IL12RB1: variants seen among roughly 807,000 people sequenced by gnomAD.
IL12RB1 encodes the protein interleukin-12 receptor subunit beta-1.
In IL12RB1, 64 loss-of-function variants were observed where a neutral mutation model predicts 94.4. The ratio of observed to expected loss-of-function variants is 0.68; its 90% CI spans 0.55 to 0.83. The LOEUF is 0.83. Among genes scored for constraint, IL12RB1 ranks in the 40% least tolerant of loss-of-function variants. The pLI is 0.00. For missense variants in IL12RB1, 814 were observed against 855.6 expected, an observed-to-expected ratio of 0.95 and a Z score of 0.61; for synonymous variants, 362 against 355.5, an observed-to-expected ratio of 1.02 and a Z score of -0.21.
At chr19:18,067,905 A>C (rs1008344477) in intron 11 of IL12RB1, among the ~76,000 whole-genome samples, 1 of 151,584 alleles carries the variant, frequency 6.6e-6, no homozygotes, top group African/African-American at 2.4e-5. Flanking sequence ...TATGTTGCCC[A>C]GGCTGTTCTT....
intron 4 of IL12RB1, 97 bp downstream of exon 4, chr19:18,080,735 T>A: frequency 1.2e-6 from 1 of 833,806 alleles, no homozygotes; most frequent in East Asian, 2.4e-5. Context: ...TAGTATCAAG[T>A]CCCTTGCCAA....
intron 9 of IL12RB1, among the ~76,000 whole-genome samples, chr19:18,070,333 T>C (rs1228423794): frequency 6.6e-6 from 1 of 152,246 alleles, no homozygotes; most frequent in African/African-American, 2.4e-5. Flanking sequence ...TCCAGCCTTG[T>C]AGGCGTCTCC....
In IL12RB1 at chr19:18,072,093, C is replaced by T; in HGVS notation, c.1021+19G>A. 6.5e-7 allele frequency: 1 copy of T among 1,542,436 alleles called. No individual in the cohort carries two copies. The highest frequency in any genetic ancestry group is 9.0e-7 in the Non-Finnish European group (1 of 1,114,746). On this transcript the variant is annotated intron_variant, in intron 9 of 16. Transcript: ENST00000593993. ...CTCTGAGGGGCCCTCATACCGCCCT[C>T]CCCACCCAGAGGAGGCACCTGTGTG...
At chr19:18,076,444 C>T (rs376721433) in intron 5 of IL12RB1, 117 bp from the exon 6 acceptor site, 4 of 705,066 alleles carry the variant, frequency 5.7e-6, no homozygotes, top group African/African-American at 5.2e-5. Context: ...ACTCTGTCAT[C>T]TAGGCTGGAG....
chr19:18,083,515 T>C, intron 1 of IL12RB1, 24 bp from the exon 2 acceptor site: 1 of 1,612,324 alleles, frequency 6.2e-7, no homozygotes, highest in Non-Finnish European at 8.5e-7. Flanking sequence ...GAAGACATAA[T>C]GACATTCCTG....
chr19:18,064,404 G>A (rs1297765538), intron 12 of IL12RB1, among the ~76,000 whole-genome samples: 1 of 151,594 alleles, frequency 6.6e-6, no homozygotes, highest in Non-Finnish European at 1.5e-5. Context: ...CTCCCAAAGT[G>A]CTGGGATTAC....
intron 1 of IL12RB1, among the ~76,000 whole-genome samples, chr19:18,096,581 T>C (rs1018779882): frequency 6.6e-6 from 1 of 151,956 alleles, no homozygotes; most frequent in African/African-American, 2.4e-5. Flanking sequence ...TGGCCTGCAA[T>C]CCCAGAACTT....
At chr19:18,071,315 T>G in intron 9 of IL12RB1, 3 of 730,974 alleles carry the variant, frequency 4.1e-6, no homozygotes, top group South Asian at 1.4e-5. Context: ...GAGGTTGCAG[T>G]GAGCTGAGAT....
rs2035420383 is a variant in IL12RB1, at chr19:18,075,688, C to T, written c.700+61G>A. 6 of 1,492,184 alleles carry T rather than the reference C, an allele frequency of 4.0e-6. No homozygotes were observed. The South Asian group carries it at 5.6e-5, about 14-fold the overall frequency. The allele number at this position is 1,492,184 out of a possible 1,614,324, so 92.4% of individuals were successfully genotyped here. A position where few individuals can be genotyped will look rare whatever the true frequency, so the allele number is the denominator to read the frequency against. ...CTGGAACTACAGGTGTGCACCACCA[C>T]CTCCGGCTGTTGCCTTATTTCTAAT... is the stretch of plus-strand genomic sequence containing the variant. On this transcript the variant is annotated intron_variant, in intron 7 of 16. Coordinates refer to ENST00000593993, the MANE Select transcript of IL12RB1 (RefSeq NM_005535.3).
chr19:18,091,666 C>G (rs2036633422), upstream of IL12RB1: 1 of 152,160 alleles, frequency 6.6e-6, no homozygotes, highest in Non-Finnish European at 1.5e-5. Context: ...TCAGGACTTT[C>G]TAATGCCTCT....
chr19:18,068,017 C>CTTTT lies in IL12RB1; in HGVS notation c.1327+368_1327+371dup, dbSNP rs1216685125. ...TTCTGTCTGCCTTAACAGCATTGTC[C>CTTTT]TTTTTTTTTTTTTTTTTTTTTTTTT... is the stretch of plus-strand genomic sequence containing the variant. On this transcript the variant is annotated intron_variant, in intron 11 of 16. Coordinates refer to ENST00000593993, the MANE Select transcript of IL12RB1 (RefSeq NM_005535.3). 2.3e-4 allele frequency among the ~76,000 whole-genome samples: 14 copies of CTTTT among 59,864 alleles called. 2 individuals carry two copies. The highest frequency in any genetic ancestry group is 4.9e-4 in the African/African-American group (7 of 14,286). 39.3% of individuals were successfully genotyped at this position (59,864 alleles called of 152,430 possible). A position where few individuals can be genotyped will look rare whatever the true frequency, so the allele number is the denominator to read the frequency against.
chr19:18,083,125 T>G, intron 2 of IL12RB1: 5 of 517,796 alleles, frequency 9.7e-6, no homozygotes, highest in East Asian at 6.9e-5. Flanking sequence ...ATTTATCAGG[T>G]TGGGGGGGGG....
chr19:18,097,643 C>T (rs926678697), intron 1 of IL12RB1: 3 of 377,824 alleles, frequency 7.9e-6, no homozygotes, highest in Non-Finnish European at 1.3e-5. Flanking sequence ...CCAGCTCGCC[C>T]AGTGGGGGCG....
chr19:18,066,532 C>T lies in IL12RB1; in HGVS notation c.1483+10G>A. ...TCCTCCCCAAGCCAGGTCTGCACTGCCTCACGTACCTGACACCTGTTTGCT... is the reference window on the plus strand; with the variant it reads ...TCCTCCCCAAGCCAGGTCTGCACTGTCTCACGTACCTGACACCTGTTTGCT... On this transcript the variant is annotated intron_variant, in intron 12 of 16. Transcript: ENST00000593993. The T allele has an allele frequency of 1.9e-6, 3 of 1,606,718 alleles. No homozygotes were observed. Among genetic ancestry groups the T allele is most frequent in the Non-Finnish European group, 2.6e-6 (3 of 1,173,744 alleles).
intron 5 of IL12RB1, among the ~76,000 whole-genome samples, chr19:18,076,800 T>C (rs900236558): frequency 5.9e-5 from 9 of 152,108 alleles, no homozygotes; most frequent in African/African-American, 2.2e-4. Context: ...TTTAGGAACA[T>C]ATAAAGCAGT....
chr19:18,071,986 C>T, intron 9 of IL12RB1, 126 bp downstream of exon 9: 2 of 716,432 alleles, frequency 2.8e-6, no homozygotes, highest in Non-Finnish European at 2.5e-6. Flanking sequence ...TTTTGATACA[C>T]CCCTAAATCA....
At chr19:18,092,184 CT>C (rs112888209) in intron 1 of IL12RB1, among the ~76,000 whole-genome samples, 29,692 of 129,270 alleles carry the variant, frequency 0.23, 3,038 homozygotes, top group African/African-American at 0.3. Context: ...GACCATCCAG[CT>C]TTTTTTTTTT....
At chr19:18,064,801 T>A (rs1429089382) in intron 12 of IL12RB1, among the ~76,000 whole-genome samples, 1 of 152,036 alleles carries the variant, frequency 6.6e-6, no homozygotes, top group Non-Finnish European at 1.5e-5. Context: ...GGCAGGTGGA[T>A]CTGAGGTTGG....
At position 18,082,717 on chromosome 19, in the gene IL12RB1, A is replaced by G. The variant is rs113825274; in HGVS notation, c.125-453T>C. Among the ~76,000 whole-genome samples the G allele has an allele frequency of 8.3e-3, 1,270 of 152,300 alleles. 21 individuals carry two copies. The highest frequency in any genetic ancestry group is 0.028 in the African/African-American group (1,156 of 41,574). ...GATGCTCAGTAAATCGTTATCAAAC[A>G]AAAGAATGGACAGCGTGTCTGCTTA... On this transcript the variant is annotated intron_variant, in intron 2 of 16. Coordinates refer to ENST00000593993, the MANE Select transcript of IL12RB1 (RefSeq NM_005535.3).
Sources: allele counts gnomAD v4.1 joint callset (sites outside exome capture counted in the v4.1 genomes callset), GRCh38; gene constraint gnomAD v4.1.1; transcripts MANE v1.5; gene names NCBI Gene and HGNC (gene_info 2026-07-23, HGNC 2026-07-21).